TRPM1: variants seen among roughly 807,000 people sequenced by gnomAD.
The protein encoded by TRPM1 is TRPM1-203 APA Isoform, Intron 10.
TRPM1 carries 113 observed loss-of-function variants against 149.4 expected under a neutral mutation model. That is an observed-to-expected ratio of 0.76 (90% confidence interval 0.65 to 0.88). The LOEUF (loss-of-function observed/expected upper bound fraction) is 0.88. Among genes scored for constraint, TRPM1 ranks in the 40% least tolerant of loss-of-function variants. The pLI is 0.00. For missense variants in TRPM1, 1,976 were observed against 2,038.7 expected, an observed-to-expected ratio of 0.97 and a Z score of 0.59; for synonymous variants, 741 against 759.5, an observed-to-expected ratio of 0.98 and a Z score of 0.40.
intron 11 of TRPM1, among the ~76,000 whole-genome samples, chr15:31,055,578 G>A (rs2034059421): frequency 6.6e-6 from 1 of 152,152 alleles, no homozygotes; most frequent in African/African-American, 2.4e-5. Context: ...CCACTGTGGT[G>A]GGTGCAGAGC....
At position 31,160,873 on chromosome 15, in the gene TRPM1, G is replaced by A. The variant is rs963177319; in HGVS notation, c.54+33C>T. 2.6e-5 allele frequency: 40 copies of A among 1,534,678 alleles called. No individual in the cohort carries two copies. In the Admixed American group the frequency reaches 7.8e-4, roughly 30 times the overall value. ...CAGTGTCCCTCTGCCCTTCCGCCCAGCTGCCCGCAGGCCACTGGCAAAGCT... is the reference window on the plus strand; with the variant it reads ...CAGTGTCCCTCTGCCCTTCCGCCCAACTGCCCGCAGGCCACTGGCAAAGCT... On this transcript the variant is annotated intron_variant, in intron 1 of 26. Coordinates refer to the TRPM1 transcript ENST00000542188.
intron 16 of TRPM1, among the ~76,000 whole-genome samples, chr15:31,043,409 G>A (rs1293081105): frequency 3.3e-5 from 5 of 152,158 alleles, no homozygotes; most frequent in Middle Eastern, 3.4e-3. Context: ...AGCCAGGATG[G>A]TCTCGATCTC....
chr15:31,075,505 G>C (rs748931719), intron 3 of TRPM1, among the ~76,000 whole-genome samples: 2 of 152,190 alleles, frequency 1.3e-5, no homozygotes, highest in African/African-American at 2.4e-5. Context: ...TTCTGTGGTT[G>C]CTGCTTACAT....
intron 16 of TRPM1, among the ~76,000 whole-genome samples, chr15:31,042,869 A>C (rs2033663197): frequency 6.6e-6 from 1 of 152,228 alleles, no homozygotes; most frequent in Non-Finnish European, 1.5e-5. Context: ...TTCATAAGAA[A>C]GGCAGATCGT....
In TRPM1 at chr15:31,035,792, G is replaced by A; in HGVS notation, c.2572-118C>T. 2.8e-6 allele frequency: 4 copies of A among 1,442,606 alleles called. No homozygotes were observed. The South Asian group carries it at 4.7e-5, about 17-fold the overall frequency. 89.4% of individuals were successfully genotyped at this position (1,442,606 alleles called of 1,614,324 possible). On this transcript the variant is annotated intron_variant, in intron 20 of 27. Transcript: ENST00000256552. ...AAGAATCTTTGTTTCCAACTGGACT[G>A]ACTCATTGAGAGGAAACCTTCACTG...
chr15:31,089,403 C>T, intron 1 of TRPM1, among the ~76,000 whole-genome samples: 1 of 152,214 alleles, frequency 6.6e-6, no homozygotes, highest in East Asian at 1.9e-4. Flanking sequence ...TTCTTCCCTA[C>T]AGAGTCCAGT....
chr15:31,049,485 G>T lies in TRPM1; in HGVS notation c.1462C>A (p.Leu488Ile), dbSNP rs2033881182. 1.2e-6 allele frequency: 2 copies of T among 1,613,958 alleles called. No homozygotes were observed. Among genetic ancestry groups the T allele is most frequent in the Non-Finnish European group, 1.7e-6 (2 of 1,180,042 alleles). Residue 488 changes from leucine to isoleucine, a missense_variant, in exon 13 of 28, where the codon CTA (leucine) becomes ATA (isoleucine). By Grantham distance (5) the Leu-to-Ile change is conservative. This residue lies in a region of TRPM1 where 1,332 missense variants were observed against 1,347.1 expected (regional missense o/e 0.99). Coordinates refer to ENST00000256552, the MANE Select transcript of TRPM1 (RefSeq NM_001252024.2). Reference sequence around the variant, plus strand: ...ACACGATCTAAGACTAAAGCATCTAGCATCGCTTGCTCCAAAGCATTCACC... The same window carrying T: ...ACACGATCTAAGACTAAAGCATCTATCATCGCTTGCTCCAAAGCATTCACC... ...NWVNALEQAM[L>I]DALVLDRVDF...
At chr15:31,028,701 G>A (rs1234062719) in intron 24 of TRPM1, among the ~76,000 whole-genome samples, 1 of 151,536 alleles carries the variant, frequency 6.6e-6, no homozygotes, top group Non-Finnish European at 1.5e-5. Flanking sequence ...GCAGTGAGCC[G>A]AGATCGAGCC....
intron 12 of TRPM1, among the ~76,000 whole-genome samples, chr15:31,049,793 A>G (rs2033896061): frequency 1.3e-5 from 2 of 152,230 alleles, no homozygotes; most frequent in African/African-American, 4.8e-5. Context: ...TGGCCTGCCC[A>G]GTCTCCACCA....
chr15:31,036,112 A>G, intron 20 of TRPM1: 1 of 310,148 alleles, frequency 3.2e-6, no homozygotes, highest in Non-Finnish European at 6.2e-6. Context: ...GGACATGTGG[A>G]TGAGTTGCCC....
intron 13 of TRPM1, 91 bp from the exon 14 acceptor site, chr15:31,048,030 A>T: frequency 1.9e-6 from 2 of 1,054,806 alleles, no homozygotes; most frequent in Non-Finnish European, 3.0e-6. Context: ...TGGGAGGCCA[A>T]GGCAGGCAGA....
At chr15:31,088,574 G>C (rs1177159666) in intron 1 of TRPM1, among the ~76,000 whole-genome samples, 2 of 152,200 alleles carry the variant, frequency 1.3e-5, no homozygotes, top group East Asian at 3.8e-4. Context: ...CTTCACTGCT[G>C]AAGTGAGCAA....
chr15:31,041,545 C>A lies in TRPM1; in HGVS notation c.2087+406G>T, dbSNP rs779187905. ...CCCAACTCCAGCCCCCTCTAGCCAT[C>A]CTGTCCCACCTAAGCATGGAGCAAA... On this transcript the variant is annotated intron_variant, in intron 17 of 27. Coordinates refer to ENST00000256552, the MANE Select transcript of TRPM1 (RefSeq NM_001252024.2). Among the ~76,000 whole-genome samples the A allele has an allele frequency of 1.6e-4, 24 of 152,270 alleles. No homozygotes were observed. The South Asian group carries it at 2.1e-3, about 13-fold the overall frequency.
At chr15:31,061,664 T>A in intron 9 of TRPM1, 150 bp from the exon 10 acceptor site, 1 of 714,210 alleles carries the variant, frequency 1.4e-6, no homozygotes, top group Non-Finnish European at 2.4e-6. Context: ...ATTTCTTTTT[T>A]TTCTTTTCTT....
chr15:31,037,944 C>T (rs762808185), intron 19 of TRPM1, 100 bp downstream of exon 19: 32 of 1,611,822 alleles, frequency 2.0e-5, no homozygotes, highest in Non-Finnish European at 2.7e-5. Context: ...TCCAAAAATA[C>T]CTTTAACCAG....
rs2140960967 is a variant in TRPM1 at position 31,066,095 on chromosome 15, G to A, written c.771C>T (p.Ser257=). Residue 257 remains serine, a synonymous_variant, in exon 7 of 28, where the codon TCC becomes TCT. Coordinates refer to ENST00000256552, the MANE Select transcript of TRPM1 (RefSeq NM_001252024.2). ...ACTTACTTGTGTTGATCTTCTGCAG[G>A]GAGATGTGCTTTTCCAGCAGCCTTC... The part of the protein sequence containing the change: ...KLRRLLEKHI[S]LQKINTRLGQ... The A allele has an allele frequency of 2.5e-6, 4 of 1,614,084 alleles. No homozygotes were observed. Among genetic ancestry groups the A allele is most frequent in the Non-Finnish European group, 3.4e-6 (4 of 1,179,970 alleles).
chr15:31,147,797 T>C (rs1295486019), intron 1 of TRPM1, among the ~76,000 whole-genome samples: 1 of 152,142 alleles, frequency 6.6e-6, no homozygotes, highest in Non-Finnish European at 1.5e-5. Context: ...ACCTATAACT[T>C]TTCTTAGTAG....
At chr15:31,063,393 T>C (rs1046873483) in intron 7 of TRPM1, 101 bp from the exon 8 acceptor site, 10 of 1,431,742 alleles carry the variant, frequency 7.0e-6, no homozygotes, top group Admixed American at 1.7e-5. Flanking sequence ...ACATTACGAC[T>C]TGGGGGATGT....
rs150399720 is a variant in TRPM1, at chr15:31,158,471, C to G, written c.54+2435G>C. On this transcript the variant is annotated intron_variant, in intron 1 of 26. Coordinates refer to the TRPM1 transcript ENST00000542188. ...TGAAATGCTGTCTCTACTAAAAATA[C>G]AAAAAATTATCCGGGTGTGGTGGCA... Among the ~76,000 whole-genome samples, 127 of 151,832 alleles carry G rather than the reference C, an allele frequency of 8.4e-4. 1 individual carries two copies. Among genetic ancestry groups the G allele is most frequent in the African/African-American group, 2.9e-3 (122 of 41,392 alleles).
Sources: allele counts gnomAD v4.1 joint callset (sites outside exome capture counted in the v4.1 genomes callset), GRCh38; gene constraint gnomAD v4.1.1; regional missense constraint gnomAD v4.1.1; transcripts MANE v1.5; gene names NCBI Gene and HGNC (gene_info 2026-07-23, HGNC 2026-07-21).